The following MCU variants were observed in gnomAD, a reference collection of about 807,000 sequenced individuals.
MCU encodes the protein mitochondrial calcium uniporter.
A neutral mutation model predicts 45.2 loss-of-function variants in MCU; 12 were observed. The ratio of observed to expected loss-of-function variants is 0.27; its 90% CI spans 0.17 to 0.43. The LOEUF (loss-of-function observed/expected upper bound fraction) is 0.43, where lower values mean the gene tolerates loss of function less well. Ranked by LOEUF, MCU falls within the 20% of genes least tolerant of loss-of-function variation. The pLI, the probability that MCU is intolerant of heterozygous loss-of-function variation, is 1.00. For synonymous variants in MCU, 160 were observed against 165.1 expected, an observed-to-expected ratio of 0.97 and a Z score of 0.24; for missense variants, 324 against 436.7, an observed-to-expected ratio of 0.74 and a Z score of 2.30.
chr10:72,756,355 T>C (rs1055390872), intron 1 of MCU: 8 of 152,230 alleles, frequency 5.3e-5, no homozygotes, highest in African/African-American at 1.9e-4. Context: ...ATTTGTACCA[T>C]GTTGTGTTAT....
intron 1 of MCU, among the ~76,000 whole-genome samples, chr10:72,818,987 A>C (rs568891699): frequency 1.3e-5 from 2 of 152,308 alleles, no homozygotes; most frequent in East Asian, 3.9e-4. Context: ...CAGTATATAA[A>C]CAGATGCCAG....
intron 1 of MCU, among the ~76,000 whole-genome samples, chr10:72,790,677 A>C (rs1191111263): frequency 6.6e-6 from 1 of 152,188 alleles, no homozygotes; most frequent in African/African-American, 2.4e-5. Flanking sequence ...ATTCCCTGGT[A>C]CTTATTTATT....
chr10:72,870,996 G>A (rs948002057), intron 5 of MCU, among the ~76,000 whole-genome samples: 1 of 152,090 alleles, frequency 6.6e-6, no homozygotes. Context: ...CAGTTCCTGG[G>A]CTCAAGCGAT....
At chr10:72,828,006 T>C (rs1343513458) in intron 1 of MCU, among the ~76,000 whole-genome samples, 1 of 152,180 alleles carries the variant, frequency 6.6e-6, no homozygotes, top group Non-Finnish European at 1.5e-5. Context: ...AGAAAAAAAC[T>C]GATCCCAAGT....
chr10:72,812,963 A>G (rs1217649333), intron 1 of MCU, among the ~76,000 whole-genome samples: 1 of 152,182 alleles, frequency 6.6e-6, no homozygotes, highest in Non-Finnish European at 1.5e-5. Context: ...TTCCTGGATC[A>G]CTTTCATCAC....
intron 1 of MCU, among the ~76,000 whole-genome samples, chr10:72,832,984 T>C (rs1158619599): frequency 1.4e-5 from 1 of 69,058 alleles, no homozygotes; most frequent in African/African-American, 5.1e-5. Context: ...ACTCTGAAGT[T>C]CATGTGGAGA....
intron 5 of MCU, among the ~76,000 whole-genome samples, chr10:72,871,136 G>A (rs1013065036): frequency 6.6e-6 from 1 of 152,198 alleles, no homozygotes; most frequent in African/African-American, 2.4e-5. Flanking sequence ...CTGGGCTCAA[G>A]CAAGCTTCCC....
intron 1 of MCU, among the ~76,000 whole-genome samples, chr10:72,751,222 C>T (rs950874387): frequency 2.0e-5 from 3 of 151,108 alleles, no homozygotes; most frequent in Admixed American, 6.6e-5. Flanking sequence ...AGGCTGGCCT[C>T]GAACTCCTGA....
chr10:72,760,760 C>T (rs542555608), intron 1 of MCU: 2 of 142,994 alleles, frequency 1.4e-5, no homozygotes, highest in Non-Finnish European at 3.0e-5. Flanking sequence ...ACTGTGTTGC[C>T]TAGGCTGGTC....
intron 1 of MCU, among the ~76,000 whole-genome samples, chr10:72,726,932 A>G (rs1843109798): frequency 6.6e-6 from 1 of 152,242 alleles, no homozygotes; most frequent in Non-Finnish European, 1.5e-5. Context: ...TTACCTTAGT[A>G]CAAAATAAAA....
At chr10:72,739,104 A>G (rs1444980311) in intron 1 of MCU, among the ~76,000 whole-genome samples, 1 of 152,208 alleles carries the variant, frequency 6.6e-6, no homozygotes, top group Non-Finnish European at 1.5e-5. Flanking sequence ...TGTGCTATAT[A>G]TTATAGATGT....
At chr10:72,714,186 C>T (rs1284802786) in intron 1 of MCU, among the ~76,000 whole-genome samples, 9 of 151,182 alleles carry the variant, frequency 6.0e-5, no homozygotes, top group Non-Finnish European at 1.2e-4. Context: ...AGGCTGGTCT[C>T]GAACTCCTGA....
intron 1 of MCU, among the ~76,000 whole-genome samples, chr10:72,801,411 AT>A (rs1427315417): frequency 8.3e-5 from 9 of 107,822 alleles, no homozygotes; most frequent in Non-Finnish European, 1.3e-4. Flanking sequence ...GGTTCTGTTG[AT>A]TTTATAGGTA....
intron 1 of MCU, among the ~76,000 whole-genome samples, chr10:72,796,827 A>G (rs1203635947): frequency 6.6e-6 from 1 of 151,876 alleles, no homozygotes; most frequent in Non-Finnish European, 1.5e-5. Flanking sequence ...ATAAATTTAA[A>G]TAATTCTATT....
intron 5 of MCU, among the ~76,000 whole-genome samples, chr10:72,870,527 C>T (rs1845526405): frequency 6.6e-6 from 1 of 152,240 alleles, no homozygotes; most frequent in Non-Finnish European, 1.5e-5. Context: ...CGTGATCCAC[C>T]TGCCTTGGCC....
intron 1 of MCU, among the ~76,000 whole-genome samples, chr10:72,809,770 A>G (rs1051984858): frequency 6.6e-6 from 1 of 152,192 alleles, no homozygotes; most frequent in African/African-American, 2.4e-5. Context: ...CTTGATGAGT[A>G]TTTTGGGGAT....
chr10:72,745,003 A>T (rs1038869301), intron 1 of MCU, among the ~76,000 whole-genome samples: 2 of 151,906 alleles, frequency 1.3e-5, no homozygotes, highest in Non-Finnish European at 2.9e-5. Context: ...TTTTCTTCTG[A>T]ATTTGTATAA....
chr10:72,832,932 C>CTGTGTGTGTGTG (rs1399130294), intron 1 of MCU, among the ~76,000 whole-genome samples: 101 of 57,228 alleles, frequency 1.8e-3, no homozygotes, highest in Middle Eastern at 0.011. Flanking sequence ...AAACCAATAG[C>CTGTGTGTGTGTG]TATGTGTGTG....
At position 72,820,985 on chromosome 10, in the gene MCU, A is replaced by G. The variant is rs937710523; in HGVS notation, c.151-13374A>G. Among the ~76,000 whole-genome samples the G allele has an allele frequency of 2.6e-5, 4 of 151,960 alleles. No homozygotes were observed. In the South Asian group the frequency reaches 8.3e-4, roughly 32 times the overall value. ...ATAATCTGCCCTTTAACAGCTCAGT[A>G]TTGAGACCAGAACTTGAATGTTGTA... On this transcript the variant is annotated intron_variant, in intron 1 of 7. Transcript: ENST00000373053.
Sources: allele counts gnomAD v4.1 joint callset (sites outside exome capture counted in the v4.1 genomes callset), GRCh38; gene constraint gnomAD v4.1.1; transcripts MANE v1.5; gene names NCBI Gene and HGNC (gene_info 2026-07-23, HGNC 2026-07-21).